The following KHDRBS2 variants were observed in gnomAD, a reference collection of about 807,000 sequenced individuals.
KHDRBS2 encodes the protein KH domain-containing, RNA-binding, signal transduction-associated protein 2.
Under a neutral mutation model 44.3 loss-of-function variants are expected in KHDRBS2, and 26 were observed. The ratio of observed to expected loss-of-function variants is 0.59; its 90% CI spans 0.43 to 0.81. KHDRBS2 has a LOEUF of 0.81. Among genes scored for constraint, KHDRBS2 ranks in the 40% least tolerant of loss-of-function variants. The probability of loss-of-function intolerance (pLI) is 0.00; values close to 1 mark genes in which losing one functional copy is unlikely to be tolerated. For missense variants in KHDRBS2, 476 were observed against 433.1 expected (o/e 1.10, Z -0.88); for synonymous variants, 194 against 151.1 (o/e 1.28, Z -2.08).
chr6:62,096,000 T>C (rs531488041), intron 2 of KHDRBS2, among the ~76,000 whole-genome samples: 1 of 152,146 alleles, frequency 6.6e-6, no homozygotes, highest in African/African-American at 2.4e-5. Context: ...TTCTTCATTC[T>C]CGTCATGTGC....
intron 6 of KHDRBS2, among the ~76,000 whole-genome samples, chr6:61,760,990 G>C (rs997040063): frequency 6.6e-6 from 1 of 152,190 alleles, no homozygotes; most frequent in Non-Finnish European, 1.5e-5. Context: ...TTAGTGGTAA[G>C]ATTCAGGCAA....
chr6:62,180,289 A>C (rs1284103883), intron 1 of KHDRBS2, among the ~76,000 whole-genome samples: 2 of 151,934 alleles, frequency 1.3e-5, no homozygotes, highest in African/African-American at 4.8e-5. Flanking sequence ...GATATGTAGG[A>C]AACGCCTAAA....
chr6:61,552,142 A>G, the KHDRBS2 span, among the ~76,000 whole-genome samples: 8 of 152,130 alleles, frequency 5.3e-5, no homozygotes, highest in African/African-American at 1.9e-4. Context: ...CCTCCTGTAC[A>G]TGAGCATGGC....
chr6:61,598,295 A>C, the KHDRBS2 span, among the ~76,000 whole-genome samples: 1 of 147,362 alleles, frequency 6.8e-6, no homozygotes, highest in Non-Finnish European at 1.5e-5. Flanking sequence ...CTCAAAGCCA[A>C]AACAAGCATA....
intron 6 of KHDRBS2, among the ~76,000 whole-genome samples, chr6:61,776,840 T>A (rs572964161): frequency 6.6e-6 from 1 of 152,156 alleles, no homozygotes; most frequent in African/African-American, 2.4e-5. Flanking sequence ...CATGCACACG[T>A]ATGTTTATAG....
the KHDRBS2 span, among the ~76,000 whole-genome samples, chr6:61,557,654 G>A: frequency 2.6e-5 from 4 of 152,124 alleles, no homozygotes; most frequent in Non-Finnish European, 4.4e-5. Flanking sequence ...CTCATAGAGT[G>A]AGTTTGGAAG....
At chr6:61,696,546 C>A (rs1333336530) in intron 8 of KHDRBS2, among the ~76,000 whole-genome samples, 1 of 151,996 alleles carries the variant, frequency 6.6e-6, no homozygotes, top group Non-Finnish European at 1.5e-5. Flanking sequence ...GGTGAGCCAC[C>A]ACGCCCGGCC....
intron 1 of KHDRBS2, among the ~76,000 whole-genome samples, chr6:62,237,756 T>C (rs1410185956): frequency 6.6e-6 from 1 of 152,110 alleles, no homozygotes; most frequent in Non-Finnish European, 1.5e-5. Context: ...AGAAAAATAT[T>C]GAGGCCCGGT....
chr6:61,722,812 A>C (rs967221508), intron 7 of KHDRBS2, among the ~76,000 whole-genome samples: 2 of 151,690 alleles, frequency 1.3e-5, no homozygotes, highest in African/African-American at 4.8e-5. Context: ...CGGGTTCACA[A>C]CATTCTCCTG....
At chr6:62,089,083 A>G (rs186568794) in intron 2 of KHDRBS2, among the ~76,000 whole-genome samples, 1 of 152,012 alleles carries the variant, frequency 6.6e-6, no homozygotes, top group Non-Finnish European at 1.5e-5. Context: ...ACCAAGCTGG[A>G]GCATCCCAGG....
chr6:61,591,431 AAC>A, the KHDRBS2 span, among the ~76,000 whole-genome samples: 1 of 152,210 alleles, frequency 6.6e-6, no homozygotes. Flanking sequence ...TGAAAAGTAA[AAC>A]AATAGGAAAA....
chr6:61,689,325 G>T (rs570603073), intron 8 of KHDRBS2, among the ~76,000 whole-genome samples: 1 of 151,766 alleles, frequency 6.6e-6, no homozygotes, highest in Admixed American at 6.6e-5. Flanking sequence ...TTTTTCCTTT[G>T]AGTTGTTCTG....
intron 6 of KHDRBS2, among the ~76,000 whole-genome samples, chr6:61,848,987 A>G (rs1348174619): frequency 1.3e-5 from 2 of 152,050 alleles, no homozygotes; most frequent in Admixed American, 6.6e-5. Context: ...GGGCAACACA[A>G]TCATTACATA....
the KHDRBS2 span, among the ~76,000 whole-genome samples, chr6:61,563,002 G>A: frequency 6.6e-6 from 1 of 152,052 alleles, no homozygotes; most frequent in South Asian, 2.1e-4. Flanking sequence ...AGAACATACT[G>A]GCTTAATGCT....
intron 2 of KHDRBS2, among the ~76,000 whole-genome samples, chr6:62,085,480 A>AG (rs1331764112): frequency 5.9e-5 from 9 of 152,172 alleles, no homozygotes; most frequent in African/African-American, 2.2e-4. Context: ...CAGAAAAAAA[A>AG]GGAAAAGGCA....
chr6:61,986,989 C>CA (rs1775168028), intron 3 of KHDRBS2, among the ~76,000 whole-genome samples: 1 of 152,166 alleles, frequency 6.6e-6, no homozygotes, highest in Non-Finnish European at 1.5e-5. Flanking sequence ...TTGTACCTTT[C>CA]AAATAGACTG....
At chr6:61,572,045 G>T in the KHDRBS2 span, among the ~76,000 whole-genome samples, 4 of 152,078 alleles carry the variant, frequency 2.6e-5, no homozygotes, top group South Asian at 4.1e-4. Flanking sequence ...TCTTTGAGAA[G>T]ATATACCAAA....
chr6:62,217,330 T>G (rs2150149687), intron 1 of KHDRBS2, among the ~76,000 whole-genome samples: 1 of 151,926 alleles, frequency 6.6e-6, no homozygotes, highest in East Asian at 1.9e-4. Flanking sequence ...GGGTTGTGAC[T>G]TTTTTATTTA....
chr6:61,740,695 C>A (rs887894569), intron 6 of KHDRBS2, among the ~76,000 whole-genome samples: 2 of 151,776 alleles, frequency 1.3e-5, no homozygotes, highest in African/African-American at 4.8e-5. Flanking sequence ...TGGGTTTTCA[C>A]TGAACTGTTG....
Sources: allele counts gnomAD v4.1 joint callset (sites outside exome capture counted in the v4.1 genomes callset), GRCh38; gene constraint gnomAD v4.1.1; transcripts MANE v1.5; gene names NCBI Gene and HGNC (gene_info 2026-07-23, HGNC 2026-07-21).